ISM1: variants seen among roughly 807,000 people sequenced by gnomAD.
The protein encoded by ISM1 is isthmin-1.
Under a neutral mutation model 46.3 loss-of-function variants are expected in ISM1, and 25 were observed. That is an observed-to-expected ratio of 0.54 (90% confidence interval 0.39 to 0.75). The LOEUF (loss-of-function observed/expected upper bound fraction) is 0.75, where lower values mean the gene tolerates loss of function less well. Ranked by LOEUF, ISM1 falls within the 30% of genes least tolerant of loss-of-function variation. The pLI, the probability that ISM1 is intolerant of heterozygous loss-of-function variation, is 0.00. For missense variants in ISM1, 536 were observed against 625.4 expected (o/e 0.86, Z 1.52); for synonymous variants, 255 against 256.7 (o/e 0.99, Z 0.06).
chr20:13,308,767 C>A, the ISM1 span, among the ~76,000 whole-genome samples: 22 of 152,242 alleles, frequency 1.4e-4, no homozygotes, highest in East Asian at 4.1e-3. Flanking sequence ...GAAATCCTAA[C>A]CCCCAAAGTT....
chr20:13,300,872 C>T (rs1261906534), downstream of ISM1, among the ~76,000 whole-genome samples: 3 of 152,166 alleles, frequency 2.0e-5, no homozygotes, highest in Non-Finnish European at 4.4e-5. Flanking sequence ...GACTTTTTGC[C>T]CGCCCAGACC....
At chr20:13,279,979 C>T in intron 3 of ISM1, 81 bp downstream of exon 3, 1 of 1,359,756 alleles carries the variant, frequency 7.4e-7, no homozygotes, top group Non-Finnish European at 1.0e-6. Context: ...CAAGCAAAAC[C>T]CTGCTTAGAG....
the ISM1 span, among the ~76,000 whole-genome samples, chr20:13,311,227 T>TAGAC: frequency 8.8e-6 from 1 of 113,198 alleles, no homozygotes; most frequent in Non-Finnish European, 1.9e-5. Flanking sequence ...GATAGATAGA[T>TAGAC]AGATAGATAG....
intron 3 of ISM1, among the ~76,000 whole-genome samples, chr20:13,280,133 G>T (rs141684266): frequency 3.6e-4 from 55 of 152,258 alleles, no homozygotes; most frequent in African/African-American, 1.3e-3. Context: ...TATCCGAAGA[G>T]ATAATTTTTT....
At chr20:13,291,635 G>GT in intron 4 of ISM1, among the ~76,000 whole-genome samples, 1 of 152,346 alleles carries the variant, frequency 6.6e-6, no homozygotes, top group Non-Finnish European at 1.5e-5. Flanking sequence ...GGGTGAGCCA[G>GT]TAAGTTTGAG....
intron 5 of ISM1, among the ~76,000 whole-genome samples, chr20:13,296,479 G>C (rs1252213035): frequency 6.6e-6 from 1 of 152,232 alleles, no homozygotes; most frequent in Admixed American, 6.5e-5. Flanking sequence ...GATGAACGCT[G>C]TGACCATAAG....
intron 5 of ISM1, among the ~76,000 whole-genome samples, chr20:13,297,071 A>G (rs139931852): frequency 1.4e-4 from 21 of 152,266 alleles, no homozygotes; most frequent in African/African-American, 4.8e-4. Context: ...CTGATCAATC[A>G]GTGAGGACAA....
intron 2 of ISM1, among the ~76,000 whole-genome samples, chr20:13,277,429 C>T (rs1031051117): frequency 9.3e-6 from 1 of 108,060 alleles, no homozygotes; most frequent in Non-Finnish European, 2.0e-5. Flanking sequence ...GATGGGGCTG[C>T]AGAGAAGAAA....
rs762592220 is a variant in ISM1, at chr20:13,299,160, C to T, written c.1096C>T (p.Arg366Trp). 6.2e-7 allele frequency: 1 copy of T among 1,610,656 alleles called. No individual in the cohort carries two copies. Among genetic ancestry groups the T allele is most frequent in the Non-Finnish European group, 8.5e-7 (1 of 1,178,632 alleles). The stretch of plus-strand genomic sequence containing the variant: ...GCTGGAGATCTACAAGCCCACTGCC[C>T]GGTACTGCATCCGCTCCATGCTGTC... Reference protein sequence around the residue: ...EKLEIYKPTARYCIRSMLSLE... With the variant: ...EKLEIYKPTAWYCIRSMLSLE... The change falls in exon 6 of 6, where the codon CGG becomes TGG. Residue 366 changes from arginine (R) to tryptophan (W), a missense_variant. Physicochemically the swap from Arg to Trp is moderately radical, Grantham distance 101. Around this residue, in one of 2 missense-constraint regions of ISM1, gnomAD observed 169 missense variants for 249.3 expected, o/e 0.68. Coordinates refer to ENST00000262487, the MANE Select transcript of ISM1 (RefSeq NM_080826.2). This position sits in a 1 kb window ranked among gnomAD's most constrained non-coding sequence, Gnocchi z 5.8.
chr20:13,224,561 T>C (rs1258392794), intron 1 of ISM1, among the ~76,000 whole-genome samples: 2 of 152,214 alleles, frequency 1.3e-5, no homozygotes, highest in East Asian at 3.8e-4. Context: ...AATCAGAAAA[T>C]TAATCAATCC....
chr20:13,317,380 A>T, the ISM1 span, among the ~76,000 whole-genome samples: 4 of 152,144 alleles, frequency 2.6e-5, 1 homozygote, highest in Middle Eastern at 3.4e-3. Flanking sequence ...CTTGATCTAT[A>T]GATTCAAGGC....
intron 1 of ISM1, among the ~76,000 whole-genome samples, chr20:13,231,051 A>G (rs748848005): frequency 2.6e-5 from 4 of 151,928 alleles, no homozygotes; most frequent in African/African-American, 2.4e-5. Flanking sequence ...CCTACCAGAG[A>G]TTTCTGGGGT....
chr20:13,301,512 T>A (rs951182611), downstream of ISM1, among the ~76,000 whole-genome samples: 1 of 152,128 alleles, frequency 6.6e-6, no homozygotes, highest in African/African-American at 2.4e-5. Flanking sequence ...AATGAATTAT[T>A]TACACCTTAG....
At chr20:13,311,232 A>AGATAGATAGATAGATAGATC in the ISM1 span, among the ~76,000 whole-genome samples, 2 of 115,488 alleles carry the variant, frequency 1.7e-5, no homozygotes, top group African/African-American at 6.7e-5. Context: ...ATAGATAGAT[A>AGATAGATAGATAGATAGATC]GATAGATAGA....
chr20:13,295,784 C>T (rs978415525), intron 5 of ISM1, among the ~76,000 whole-genome samples: 6 of 152,194 alleles, frequency 3.9e-5, no homozygotes, highest in African/African-American at 9.7e-5. Context: ...AGTCGCTTGT[C>T]GGGCGGTTCC....
chr20:13,309,541 C>G, the ISM1 span, among the ~76,000 whole-genome samples: 1 of 152,074 alleles, frequency 6.6e-6, no homozygotes, highest in East Asian at 1.9e-4. Flanking sequence ...AGGAACAAGA[C>G]AAGCATGCTC....
At chr20:13,297,615 A>C (rs536956640) in intron 5 of ISM1, among the ~76,000 whole-genome samples, 1 of 152,240 alleles carries the variant, frequency 6.6e-6, no homozygotes, top group Non-Finnish European at 1.5e-5. Context: ...AGCTGTGCTG[A>C]GCTGGGGACC....
At position 13,299,174 on chromosome 20, in the gene ISM1, C is replaced by T. The variant is rs1463697450; in HGVS notation, c.1110C>T (p.Arg370=). The change falls in exon 6 of 6, where the codon CGC becomes CGT. Residue 370 remains arginine (R), a synonymous_variant. Transcript: ENST00000262487. This position sits in a 1 kb window ranked among gnomAD's most constrained non-coding sequence, Gnocchi z 5.8. Reference sequence around the variant, plus strand: ...AGCCCACTGCCCGGTACTGCATCCGCTCCATGCTGTCCCTGGAGAGCACCA... The same window carrying T: ...AGCCCACTGCCCGGTACTGCATCCGTTCCATGCTGTCCCTGGAGAGCACCA... ...IYKPTARYCI[R]SMLSLESTTL... 4.4e-6 allele frequency: 7 copies of T among 1,608,450 alleles called. No individual in the cohort carries two copies. The Admixed American group carries it at 1.0e-4, about 23-fold the overall frequency.
chr20:13,223,787 T>G (rs948845278), intron 1 of ISM1, among the ~76,000 whole-genome samples: 1 of 152,206 alleles, frequency 6.6e-6, no homozygotes, highest in Non-Finnish European at 1.5e-5. Flanking sequence ...AGATAATTCT[T>G]AATATCTTCA....
Sources: gnomAD v4.1 joint callset for allele counts (sites outside exome capture counted in the v4.1 genomes callset) on GRCh38, gnomAD v4.1.1 for gene constraint, gnomAD v4.1.1 regional missense constraint, Gnocchi (gnomAD v3.1) non-coding constraint, MANE v1.5 for transcripts, NCBI Gene and HGNC (gene_info 2026-07-23, HGNC 2026-07-21) for gene names.